EFCAB11: variants seen among roughly 807,000 people sequenced by gnomAD.
EFCAB11 encodes the protein EF-hand calcium-binding domain-containing protein 11.
In EFCAB11, 14 loss-of-function variants were observed where a neutral mutation model predicts 23.0. That is an observed-to-expected ratio of 0.61 (90% CI 0.40 to 0.95). EFCAB11 has a LOEUF of 0.95. EFCAB11 is among the 40% of genes least tolerant of loss of function. The probability of loss-of-function intolerance (pLI) is 0.00; values close to 1 mark genes in which losing one functional copy is unlikely to be tolerated. For synonymous variants in EFCAB11, 65 were observed against 66.6 expected, an observed-to-expected ratio of 0.98 and a Z score of 0.11; for missense variants, 198 against 195.8, an observed-to-expected ratio of 1.01 and a Z score of -0.07.
At chr14:89,849,279 C>A (rs1887525579) in intron 5 of EFCAB11, among the ~76,000 whole-genome samples, 1 of 152,208 alleles carries the variant, frequency 6.6e-6, no homozygotes, top group South Asian at 2.1e-4. Context: ...CTGGCTGACT[C>A]CTGTCCCTTC....
intron 5 of EFCAB11, among the ~76,000 whole-genome samples, chr14:89,863,968 C>T (rs547560471): frequency 6.6e-6 from 1 of 152,324 alleles, no homozygotes; most frequent in African/African-American, 2.4e-5. Context: ...TCAAACTTTT[C>T]TTTAACCAAT....
intron 5 of EFCAB11, among the ~76,000 whole-genome samples, chr14:89,929,517 G>A (rs761468920): frequency 6.6e-5 from 10 of 152,142 alleles, no homozygotes; most frequent in Non-Finnish European, 1.5e-4. Context: ...TTCCCGAGTA[G>A]CTGGGACTAC....
intron 5 of EFCAB11, among the ~76,000 whole-genome samples, chr14:89,842,909 A>C (rs1887317302): frequency 6.6e-6 from 1 of 152,118 alleles, no homozygotes. Context: ...GATAACTCTT[A>C]TTCATCCTTT....
intron 5 of EFCAB11, among the ~76,000 whole-genome samples, chr14:89,903,076 C>A (rs1034570142): frequency 1.3e-5 from 2 of 152,192 alleles, no homozygotes; most frequent in African/African-American, 4.8e-5. Flanking sequence ...ATGAACAATG[C>A]CGCATCTGCG....
intron 3 of EFCAB11, among the ~76,000 whole-genome samples, chr14:89,944,975 A>G: frequency 1.0e-5 from 1 of 98,466 alleles, no homozygotes; most frequent in Admixed American, 1.1e-4. Context: ...TAGATCTAAT[A>G]ATAAATCTAA....
chr14:89,892,367 G>A, intron 5 of EFCAB11: 1 of 1,611,018 alleles, frequency 6.2e-7, no homozygotes, highest in Non-Finnish European at 8.5e-7. Context: ...GGGCTTGGGG[G>A]GTGTCCGGCT....
At chr14:89,882,538 C>T (rs867139359) in intron 5 of EFCAB11, among the ~76,000 whole-genome samples, 1 of 152,172 alleles carries the variant, frequency 6.6e-6, no homozygotes, top group Non-Finnish European at 1.5e-5. Flanking sequence ...CTCACTCTCT[C>T]TCTTTTTTTT....
At chr14:89,915,015 G>A (rs1002174310) in intron 5 of EFCAB11, among the ~76,000 whole-genome samples, 1 of 151,794 alleles carries the variant, frequency 6.6e-6, no homozygotes, top group Non-Finnish European at 1.5e-5. Flanking sequence ...GCTGTCACAG[G>A]AATATATTAA....
intron 5 of EFCAB11, among the ~76,000 whole-genome samples, chr14:89,837,955 G>C (rs1002477059): frequency 7.9e-5 from 12 of 152,264 alleles, no homozygotes; most frequent in East Asian, 3.9e-4. Flanking sequence ...ACTAGCTTCT[G>C]AGTCTGCATT....
chr14:89,943,277 G>A (rs1364852265), intron 3 of EFCAB11, among the ~76,000 whole-genome samples: 1 of 147,724 alleles, frequency 6.8e-6, no homozygotes, highest in Admixed American at 6.8e-5. Flanking sequence ...ACAGGGTCTC[G>A]CTCTGTCACC....
chr14:89,808,066 T>C (rs558240776), intron 5 of EFCAB11, among the ~76,000 whole-genome samples: 2 of 152,300 alleles, frequency 1.3e-5, no homozygotes, highest in Admixed American at 6.5e-5. Flanking sequence ...TTTGACTCCA[T>C]GGTAGAGCCT....
At chr14:89,908,084 A>G (rs527925285) in intron 5 of EFCAB11, among the ~76,000 whole-genome samples, 29 of 152,312 alleles carry the variant, frequency 1.9e-4, no homozygotes, top group African/African-American at 6.5e-4. Context: ...TCATCTCTCA[A>G]TTATTCACAG....
intron 5 of EFCAB11, among the ~76,000 whole-genome samples, chr14:89,807,122 G>C (rs553774954): frequency 6.6e-6 from 1 of 152,204 alleles, no homozygotes; most frequent in Non-Finnish European, 1.5e-5. Context: ...AAATGGGACA[G>C]AGATGGCAAT....
intron 5 of EFCAB11, among the ~76,000 whole-genome samples, chr14:89,835,221 G>A (rs1467253972): frequency 2.0e-5 from 3 of 152,194 alleles, no homozygotes; most frequent in African/African-American, 7.2e-5. Context: ...ATGCCCGGAG[G>A]CAGAGGCCCA....
At chr14:89,872,543 T>TA (rs1337884765) in intron 5 of EFCAB11, among the ~76,000 whole-genome samples, 1 of 152,178 alleles carries the variant, frequency 6.6e-6, no homozygotes, top group Non-Finnish European at 1.5e-5. Context: ...ATGTAGATGA[T>TA]ACTGGAGGTA....
At chr14:89,828,765 T>C (rs1056104438) in intron 5 of EFCAB11, among the ~76,000 whole-genome samples, 1 of 152,182 alleles carries the variant, frequency 6.6e-6, no homozygotes, top group Non-Finnish European at 1.5e-5. Flanking sequence ...TTTACGGGCT[T>C]AATAAGAAGC....
In EFCAB11 at chr14:89,885,852, T is replaced by C. The variant is rs377747373; in HGVS notation, c.410+45689A>G. On this transcript the variant is annotated intron_variant, in intron 5 of 5. Coordinates refer to ENST00000316738, the MANE Select transcript of EFCAB11 (RefSeq NM_145231.4). ...AGAGAAAGAAAGAAGACAGCAACTT[T>C]TGGGTTTGAAGTTGGCTTCTTGTTT... Among the ~76,000 whole-genome samples the C allele has an allele frequency of 4.7e-4, 71 of 151,216 alleles. No individual in the cohort carries two copies. The South Asian group carries it at 0.014, about 30-fold the overall frequency.
At chr14:89,869,284 T>C (rs1566790483) in intron 5 of EFCAB11, among the ~76,000 whole-genome samples, 1 of 152,190 alleles carries the variant, frequency 6.6e-6, no homozygotes, top group African/African-American at 2.4e-5. Flanking sequence ...TCCCACTTAT[T>C]AGAAAATATT....
At chr14:89,845,295 T>G (rs1887396517) in intron 5 of EFCAB11, among the ~76,000 whole-genome samples, 1 of 152,210 alleles carries the variant, frequency 6.6e-6, no homozygotes, top group Non-Finnish European at 1.5e-5. Flanking sequence ...CAGGACAAGG[T>G]ATCATTTTCT....
Sources: allele counts gnomAD v4.1 joint callset (sites outside exome capture counted in the v4.1 genomes callset), GRCh38; gene constraint gnomAD v4.1.1; transcripts MANE v1.5; gene names NCBI Gene and HGNC (gene_info 2026-07-23, HGNC 2026-07-21).